The following SEPTIN9 variants were observed in gnomAD, a reference collection of about 807,000 sequenced individuals.
SEPTIN9 encodes septin 9, also known as septin-9.
SEPTIN9 carries 13 observed loss-of-function variants against 56.6 expected under a neutral mutation model. That is an observed-to-expected ratio of 0.23 (90% CI 0.15 to 0.37). SEPTIN9 has a LOEUF of 0.37. SEPTIN9 is among the 10% of genes least tolerant of loss of function. The pLI, the probability that SEPTIN9 is intolerant of heterozygous loss-of-function variation, is 1.00. For missense variants in SEPTIN9, 650 were observed against 823.1 expected (o/e 0.79, Z 2.57); for synonymous variants, 332 against 334.1 (o/e 0.99, Z 0.07).
intron 10 of SEPTIN9, 148 bp downstream of exon 10, chr17:77,493,224 C>T (rs113891129): frequency 4.3e-5 from 29 of 667,428 alleles, no homozygotes; most frequent in African/African-American, 4.1e-4. Flanking sequence ...TCCTTGTCCC[C>T]ATTCAACCCT....
intron 2 of SEPTIN9, among the ~76,000 whole-genome samples, chr17:77,337,816 C>T (rs1438298504): frequency 6.6e-6 from 1 of 152,008 alleles, no homozygotes. Context: ...ACAAGCATAC[C>T]TAGGGTTTGC....
chr17:77,448,733 A>C (rs2037849218), intron 3 of SEPTIN9, among the ~76,000 whole-genome samples: 1 of 152,180 alleles, frequency 6.6e-6, no homozygotes, highest in Non-Finnish European at 1.5e-5. Context: ...GAATGATATT[A>C]AAATTAATAT....
chr17:77,438,354 C>T (rs1412872443), intron 3 of SEPTIN9, among the ~76,000 whole-genome samples: 1 of 152,220 alleles, frequency 6.6e-6, no homozygotes, highest in African/African-American at 2.4e-5. Context: ...TAGTCCTACC[C>T]TTCATCTCCC....
rs1402621864 is a variant in SEPTIN9, at chr17:77,449,213, G to C, written c.722-32931G>C. ...TCTGGGGCTGCTCTACCTGAATGCT[G>C]AGTGTGTGCTGAGCGGTAGAGAACT... On this transcript the variant is annotated intron_variant, in intron 3 of 11. Transcript: ENST00000427177. The surrounding 1 kb of genome is among the most constrained non-coding windows in gnomAD (Gnocchi z 4.6). 1.3e-5 allele frequency among the ~76,000 whole-genome samples: 2 copies of C among 152,194 alleles called. No homozygotes were observed. The highest frequency in any genetic ancestry group is 3.8e-4 in the East Asian group (2 of 5,200).
intron 2 of SEPTIN9, among the ~76,000 whole-genome samples, chr17:77,360,219 C>T (rs2034371455): frequency 6.6e-6 from 1 of 151,958 alleles, no homozygotes; most frequent in African/African-American, 2.4e-5. Flanking sequence ...ACCTTCTTCC[C>T]TGAGCATGGA....
At chr17:77,423,815 T>A (rs891996669) in intron 3 of SEPTIN9, among the ~76,000 whole-genome samples, 1 of 151,736 alleles carries the variant, frequency 6.6e-6, no homozygotes, top group African/African-American at 2.4e-5. Flanking sequence ...GAGGTGGGGG[T>A]TGCAGAGTAG....
rs569366319 is a variant in SEPTIN9, at chr17:77,436,289, C to T, written c.721+33586C>T. Among the ~76,000 whole-genome samples the T allele has an allele frequency of 2.0e-5, 3 of 152,164 alleles. No homozygotes were observed. The highest frequency in any genetic ancestry group is 4.1e-4 in the South Asian group (2 of 4,828). On this transcript the variant is annotated intron_variant, in intron 3 of 11. Transcript: ENST00000427177. This position sits in a 1 kb window ranked among gnomAD's most constrained non-coding sequence, Gnocchi z 4.4. Reference sequence around the variant, plus strand: ...GGGTGGGCGGGGACACAGCGCTGTTCGGCACAGTCCCCTCTGAGCCACCCT... The same window carrying T: ...GGGTGGGCGGGGACACAGCGCTGTTTGGCACAGTCCCCTCTGAGCCACCCT...
rs926167338 is a variant in SEPTIN9 at position 77,423,783 on chromosome 17, AGAGT to A, written c.721+21085_721+21088del. Among the ~76,000 whole-genome samples the A allele has an allele frequency of 2.6e-5, 4 of 152,154 alleles. No homozygotes were observed. In the East Asian group the frequency reaches 5.8e-4, roughly 22 times the overall value. On this transcript the variant is annotated intron_variant, in intron 3 of 11. Coordinates refer to ENST00000427177, the MANE Select transcript of SEPTIN9 (RefSeq NM_001113491.2). ...TGTTTTTGAACAGGAATGAAAGGAG[AGAGT>A]GAGTAAGAAAGTGGCAGGAGGTGGG... is the stretch of plus-strand genomic sequence containing the variant.
At chr17:77,334,028 T>C (rs1279834229) in intron 2 of SEPTIN9, among the ~76,000 whole-genome samples, 1 of 152,232 alleles carries the variant, frequency 6.6e-6, no homozygotes. Flanking sequence ...TACAGGCTTC[T>C]GCTCTTTGTC....
chr17:77,470,084 C>T (rs1167870045), intron 3 of SEPTIN9, among the ~76,000 whole-genome samples: 1 of 151,402 alleles, frequency 6.6e-6, no homozygotes, highest in Non-Finnish European at 1.5e-5. Flanking sequence ...CCCATCTATC[C>T]ATCCACTCAT....
intron 3 of SEPTIN9, among the ~76,000 whole-genome samples, chr17:77,428,358 G>A (rs771293304): frequency 1.3e-5 from 2 of 152,228 alleles, no homozygotes; most frequent in Non-Finnish European, 2.9e-5. Context: ...GGGGAGACAG[G>A]CGAAGCGGTC....
In SEPTIN9 at chr17:77,390,055, T is replaced by C. The variant is rs1210254872; in HGVS notation, c.77-12004T>C. ...GGCACAGAGAGGCCTTCGTCCCGGA[T>C]CAGTCGCTGTTGCCCTCTTGGAGGC... On this transcript the variant is annotated intron_variant, in intron 2 of 11. Coordinates refer to ENST00000427177, the MANE Select transcript of SEPTIN9 (RefSeq NM_001113491.2). Among the ~76,000 whole-genome samples the C allele has an allele frequency of 5.3e-5, 8 of 152,248 alleles. No individual in the cohort carries two copies. In the East Asian group the frequency reaches 1.2e-3, roughly 22 times the overall value.
intron 2 of SEPTIN9, among the ~76,000 whole-genome samples, chr17:77,361,037 C>T (rs1238235193): frequency 6.6e-6 from 1 of 151,252 alleles, no homozygotes; most frequent in East Asian, 1.9e-4. Context: ...GATTCTCCTG[C>T]CTCAGCCTCC....
At chr17:77,430,364 AT>A (rs1197308739) in intron 3 of SEPTIN9, among the ~76,000 whole-genome samples, 10 of 151,832 alleles carry the variant, frequency 6.6e-5, no homozygotes, top group African/African-American at 2.4e-4. Context: ...CCCTCCTAAC[AT>A]TTTTCCTGGG....
At chr17:77,363,654 C>T (rs185936784) in intron 2 of SEPTIN9, among the ~76,000 whole-genome samples, 15 of 152,142 alleles carry the variant, frequency 9.9e-5, no homozygotes, top group Non-Finnish European at 1.5e-4. Context: ...TCCCAAAGTG[C>T]TGGGATTACA....
At chr17:77,341,679 G>A (rs558127960) in intron 2 of SEPTIN9, among the ~76,000 whole-genome samples, 2 of 151,194 alleles carry the variant, frequency 1.3e-5, no homozygotes, top group Non-Finnish European at 2.9e-5. Flanking sequence ...GGAAGCTGGG[G>A]CAGAAGAGTC....
rs2034594192 is a variant in SEPTIN9, at chr17:77,445,322, A to G, written c.722-36822A>G. 2.2e-6 allele frequency: 1 copy of G among 465,098 alleles called. No individual in the cohort carries two copies. Among genetic ancestry groups the G allele is most frequent in the South Asian group, 1.5e-5 (1 of 64,560 alleles). The allele number at this position is 465,098 out of a possible 1,614,324, so 28.8% of individuals were successfully genotyped here. On this transcript the variant is annotated intron_variant, in intron 3 of 11. Coordinates refer to ENST00000427177, the MANE Select transcript of SEPTIN9 (RefSeq NM_001113491.2). The surrounding 1 kb of genome is among the most constrained non-coding windows in gnomAD (Gnocchi z 4.7). ...GCAGAAGCGCGGCCGCCAGCTCACA[A>G]AGGATAGGGAGGGATATTGCTCTTG...
At position 77,498,650 on chromosome 17, in the gene SEPTIN9, G is replaced by T. The variant is rs778514701; in HGVS notation, c.1753G>T (p.Glu585Ter). Residue 585 changes from glutamate to a stop codon, truncating the protein, a stop_gained, in exon 12 of 12, where the codon GAG (glutamate) becomes TAG (stop). Coordinates refer to ENST00000427177, the MANE Select transcript of SEPTIN9 (RefSeq NM_001113491.2). LOFTEE classifies it high-confidence loss of function. ...GMEEKEPEAP[E>*]M ...GGAGGAGAAGGAGCCAGAAGCCCCG[G>T]AGATGTAGACGCCACCCTGCCCACC... 3 of 1,608,778 alleles carry T rather than the reference G, an allele frequency of 1.9e-6. No individual in the cohort carries two copies.
rs765611323 is a variant in SEPTIN9, at chr17:77,435,210, G to A, written c.721+32507G>A. 2.6e-5 allele frequency among the ~76,000 whole-genome samples: 4 copies of A among 152,144 alleles called. No individual in the cohort carries two copies. Among genetic ancestry groups the A allele is most frequent in the African/African-American group, 7.2e-5 (3 of 41,418 alleles). On this transcript the variant is annotated intron_variant, in intron 3 of 11. Coordinates refer to ENST00000427177, the MANE Select transcript of SEPTIN9 (RefSeq NM_001113491.2). The surrounding 1 kb of genome is among the most constrained non-coding windows in gnomAD (Gnocchi z 4.5). ...CATGGCAGAGGGAGGGTCCGAATGCGGAAAGTCTGGCTTCAGTGCCCCCAT... is the reference window on the plus strand; with the variant it reads ...CATGGCAGAGGGAGGGTCCGAATGCAGAAAGTCTGGCTTCAGTGCCCCCAT...
Sources: gnomAD v4.1 joint callset for allele counts (sites outside exome capture counted in the v4.1 genomes callset) on GRCh38, gnomAD v4.1.1 for gene constraint, Gnocchi (gnomAD v3.1) non-coding constraint, MANE v1.5 for transcripts, NCBI Gene and HGNC (gene_info 2026-07-23, HGNC 2026-07-21) for gene names.